FCGRT: variants seen among roughly 807,000 people sequenced by gnomAD.
The protein encoded by FCGRT is IgG receptor FcRn large subunit p51.
In FCGRT, 13 loss-of-function variants were observed where a neutral mutation model predicts 35.7. The ratio of observed to expected loss-of-function variants is 0.36; its 90% CI spans 0.24 to 0.58. The LOEUF is 0.58. Among genes scored for constraint, FCGRT ranks in the 20% least tolerant of loss-of-function variants. FCGRT has a pLI of 0.77. For missense variants in FCGRT, 455 were observed against 474.9 expected, an observed-to-expected ratio of 0.96 and a Z score of 0.39; for synonymous variants, 233 against 216.5, an observed-to-expected ratio of 1.08 and a Z score of -0.67.
chr19:49,515,795 C>T (rs142425351), intron 4 of FCGRT, among the ~76,000 whole-genome samples: 128 of 152,272 alleles, frequency 8.4e-4, no homozygotes, highest in African/African-American at 2.5e-3. Context: ...TCAGAGTCTA[C>T]GCTCCAGCCA....
intron 4 of FCGRT, among the ~76,000 whole-genome samples, chr19:49,519,826 CTTT>C (rs57437959): frequency 2.6e-5 from 3 of 116,856 alleles, no homozygotes; most frequent in East Asian, 2.5e-4. Flanking sequence ...TTGCCTTAAT[CTTT>C]TTTTTTTTTT....
chr19:49,516,473 G>A (rs781160909), intron 4 of FCGRT, among the ~76,000 whole-genome samples: 4 of 150,512 alleles, frequency 2.7e-5, no homozygotes, highest in African/African-American at 4.9e-5. Flanking sequence ...GGATGGTCTC[G>A]ATCTTTTGAC....
At chr19:49,524,858 T>A (rs1346709535) in intron 5 of FCGRT, 82 bp downstream of exon 5, 1 of 1,337,778 alleles carries the variant, frequency 7.5e-7, no homozygotes, top group Non-Finnish European at 1.0e-6. Context: ...GAGTCTGACC[T>A]TCCTCCCCAC....
At chr19:49,524,921 C>A in intron 5 of FCGRT, 145 bp downstream of exon 5, 1 of 832,448 alleles carries the variant, frequency 1.2e-6, no homozygotes, top group Non-Finnish European at 2.0e-6. Context: ...TGTCAGTGCC[C>A]CCAAAACCTG....
chr19:49,513,743 C>T (rs1568698440), intron 2 of FCGRT, 139 bp from the exon 3 acceptor site: 53 of 186,866 alleles, frequency 2.8e-4, no homozygotes, highest in African/African-American at 2.2e-3. Context: ...TCTGTCCCCC[C>T]CCCCCCGGGT....
At chr19:49,515,980 C>T (rs1205164057) in intron 4 of FCGRT, 8 of 332,048 alleles carry the variant, frequency 2.4e-5, no homozygotes, top group Non-Finnish European at 4.7e-5. Flanking sequence ...GGGCAGAGTT[C>T]ACTGTTTCCT....
At chr19:49,520,130 CTTTTTT>C (rs952631701) in intron 4 of FCGRT, among the ~76,000 whole-genome samples, 1 of 99,510 alleles carries the variant, frequency 1.0e-5, no homozygotes. Context: ...CGCGCCCGGG[CTTTTTT>C]TTTTTTTTTT....
rs2079994620 is a variant in FCGRT, at chr19:49,514,463, G to A, written c.578G>A (p.Gly193Asp). The change falls in exon 4 of 7, where the codon GGC (glycine) becomes GAC (aspartate). Residue 193 changes from glycine to aspartate, a missense_variant. By Grantham distance (94) the Gly-to-Asp change is moderately conservative. Coordinates refer to ENST00000221466, the MANE Select transcript of FCGRT (RefSeq NM_001136019.3). ...CGCCTGCGGGAGCACCTGGAGAGGGGCCGCGGAAACCTGGAGTGGAAGGGT... is the reference window on the plus strand; with the variant it reads ...CGCCTGCGGGAGCACCTGGAGAGGGACCGCGGAAACCTGGAGTGGAAGGGT... Reference protein sequence around the residue: ...PHRLREHLERGRGNLEWKEPP... With the variant: ...PHRLREHLERDRGNLEWKEPP... 1 of 1,557,184 alleles carries A rather than the reference G, an allele frequency of 6.4e-7. No individual in the cohort carries two copies.
chr19:49,525,846 AAG>A (rs933828167), intron 6 of FCGRT, 162 bp from the exon 7 acceptor site: 130 of 700,688 alleles, frequency 1.9e-4, no homozygotes, highest in African/African-American at 6.1e-4. Context: ...AAGATGTAGA[AAG>A]AGGGGGGACG....
chr19:49,520,346 ATTTTTTT>A (rs77327285), intron 4 of FCGRT, among the ~76,000 whole-genome samples: 1 of 121,452 alleles, frequency 8.2e-6, no homozygotes, highest in East Asian at 2.4e-4. Context: ...GCCAGGATGG[ATTTTTTT>A]TTTTTTTTTG....
At chr19:49,516,266 G>C in intron 4 of FCGRT, 1 of 415,876 alleles carries the variant, frequency 2.4e-6, no homozygotes, top group Non-Finnish European at 4.8e-6. Context: ...TTTTGAGACA[G>C]AGTTTCGCTC....
rs530701860 is a variant in FCGRT at position 49,518,572 on chromosome 19, C to T, written c.601+4086C>T. On this transcript the variant is annotated intron_variant, in intron 4 of 6. Coordinates refer to ENST00000221466, the MANE Select transcript of FCGRT (RefSeq NM_001136019.3). ...TTTTTGAGACAAAGTCTTACTCTGT[C>T]GCCCAGACTGGAGTGCAGAGGCACG... 6.6e-5 allele frequency among the ~76,000 whole-genome samples: 10 copies of T among 152,252 alleles called. No individual in the cohort carries two copies. In the South Asian group the frequency reaches 1.0e-3, roughly 16 times the overall value.
At chr19:49,521,497 G>C (rs2080040586) in intron 4 of FCGRT, among the ~76,000 whole-genome samples, 1 of 151,410 alleles carries the variant, frequency 6.6e-6, no homozygotes, top group Non-Finnish European at 1.5e-5. Flanking sequence ...TTGACCCCAG[G>C]AGGCGGAGGT....
intron 4 of FCGRT, among the ~76,000 whole-genome samples, chr19:49,517,981 G>A (rs922656154): frequency 1.2e-4 from 18 of 152,048 alleles, no homozygotes; most frequent in Middle Eastern, 3.4e-3. Context: ...ATAAGCCACC[G>A]CGCCTGGCCA....
chr19:49,514,526 TC>T (rs1346088623), intron 4 of FCGRT, 40 bp downstream of exon 4: 2 of 1,502,582 alleles, frequency 1.3e-6, no homozygotes, highest in African/African-American at 2.8e-5. Flanking sequence ...CTGTCCTCTC[TC>T]CCGTCATGCC....
intron 4 of FCGRT, among the ~76,000 whole-genome samples, chr19:49,523,559 C>A (rs982366331): frequency 1.5e-5 from 2 of 131,634 alleles, no homozygotes; most frequent in African/African-American, 5.7e-5. Flanking sequence ...CAGAGCGAGA[C>A]TCTTATCTCA....
rs2080077489 is a variant in FCGRT at position 49,526,331 on chromosome 19, G to A, written c.*212G>A. ...GATAATATAACACGAGTTTGGGCCC[G>A]AATCAGTGTGTTCTCATCATTTTTC... is the stretch of plus-strand genomic sequence containing the variant. On this transcript the variant is annotated 3_prime_UTR_variant, in exon 7 of 7. Transcript: ENST00000221466. 8.9e-6 allele frequency: 5 copies of A among 564,556 alleles called. No individual in the cohort carries two copies. The highest frequency in any genetic ancestry group is 3.2e-5 in the Admixed American group (1 of 31,708). 35.0% of individuals were successfully genotyped at this position (564,556 alleles called of 1,614,324 possible).
chr19:49,525,716 C>G (rs1287597839), intron 6 of FCGRT, 143 bp downstream of exon 6: 2 of 665,360 alleles, frequency 3.0e-6, no homozygotes, highest in South Asian at 1.7e-5. Context: ...GATGGGAGAA[C>G]AGAGGTGCAG....
chr19:49,516,273 G>A (rs2080007032), intron 4 of FCGRT: 8 of 406,914 alleles, frequency 2.0e-5, no homozygotes, highest in Non-Finnish European at 3.4e-5. Context: ...ACAGAGTTTC[G>A]CTCTTGTCGC....
Sources: gnomAD v4.1 joint callset for allele counts (sites outside exome capture counted in the v4.1 genomes callset) on GRCh38, gnomAD v4.1.1 for gene constraint, MANE v1.5 for transcripts, NCBI Gene and HGNC (gene_info 2026-07-23, HGNC 2026-07-21) for gene names.